KAT6B: variants seen among roughly 807,000 people sequenced by gnomAD.
The protein encoded by KAT6B is lysine acetyltransferase 6B.
In KAT6B, 10 loss-of-function variants were observed where a neutral mutation model predicts 187.5. The observed-to-expected ratio is 0.05, with a 90% CI of 0.03 to 0.09. The LOEUF is 0.09. Among genes scored for constraint, KAT6B ranks in the 10% least tolerant of loss-of-function variants. The pLI is 1.00. For missense variants in KAT6B, 1,952 were observed against 2,558.9 expected, an observed-to-expected ratio of 0.76 and a Z score of 5.12; for synonymous variants, 861 against 926.8, an observed-to-expected ratio of 0.93 and a Z score of 1.29.
intron 6 of KAT6B, among the ~76,000 whole-genome samples, chr10:74,972,119 G>C (rs929014197): frequency 3.9e-5 from 6 of 151,998 alleles, no homozygotes; most frequent in Admixed American, 3.9e-4. Context: ...TCCAGAAAGA[G>C]ATGATAAGAC....
chr10:74,961,569 A>G (rs999308096), intron 4 of KAT6B, among the ~76,000 whole-genome samples: 3 of 152,190 alleles, frequency 2.0e-5, no homozygotes, highest in African/African-American at 4.8e-5. Context: ...GAAGTTCGAG[A>G]TCATTATCTT....
chr10:74,982,160 C>A, intron 11 of KAT6B: 2 of 495,058 alleles, frequency 4.0e-6, no homozygotes, highest in Non-Finnish European at 3.7e-6. Flanking sequence ...TTGTCTTCCC[C>A]AAAATCCCTG....
intron 4 of KAT6B, among the ~76,000 whole-genome samples, chr10:74,960,850 G>T (rs760355426): frequency 1.3e-5 from 2 of 152,172 alleles, no homozygotes; most frequent in East Asian, 3.9e-4. Context: ...CAGTGTTATG[G>T]TTTAGCATGT....
chr10:74,848,503 TCAA>T (rs1191142597), intron 3 of KAT6B, among the ~76,000 whole-genome samples: 6 of 151,864 alleles, frequency 4.0e-5, no homozygotes, highest in African/African-American at 1.2e-4. Context: ...ACACTTCGTT[TCAA>T]CAACAACAAC....
intron 3 of KAT6B, among the ~76,000 whole-genome samples, chr10:74,917,921 G>T (rs1253708554): frequency 6.6e-6 from 1 of 152,182 alleles, no homozygotes; most frequent in Non-Finnish European, 1.5e-5. Flanking sequence ...AGTGAGGCAT[G>T]AAACTAGAAG....
At position 74,960,655 on chromosome 10, in the gene KAT6B, C is replaced by T. The variant is rs149421261; in HGVS notation, c.730+577C>T. On this transcript the variant is annotated intron_variant, in intron 4 of 17. Coordinates refer to ENST00000287239, the MANE Select transcript of KAT6B (RefSeq NM_012330.4). ...GCTAGGAGCAAACTCAAGAGCCAGC[C>T]ATAGCCCAGTTCCTCTGCCTTGAGT... 4.0e-3 allele frequency among the ~76,000 whole-genome samples: 603 copies of T among 152,210 alleles called. 10 individuals are homozygous for T. The highest frequency in any genetic ancestry group is 0.014 in the African/African-American group (570 of 41,522).
At chr10:74,831,978 C>CA (rs924452593) in intron 1 of KAT6B, among the ~76,000 whole-genome samples, 3 of 152,144 alleles carry the variant, frequency 2.0e-5, no homozygotes, top group African/African-American at 7.2e-5. Context: ...TGATAACATC[C>CA]AAAACCAAAA....
intron 6 of KAT6B, 55 bp from the exon 7 acceptor site, chr10:74,972,452 A>G (rs1354470039): frequency 7.8e-7 from 1 of 1,289,124 alleles, no homozygotes; most frequent in Non-Finnish European, 1.1e-6. Flanking sequence ...TATATTTAAT[A>G]TCTTCTCTTA....
chr10:74,950,034 T>C (rs1362098551), intron 3 of KAT6B, among the ~76,000 whole-genome samples: 1 of 152,152 alleles, frequency 6.6e-6, no homozygotes, highest in Non-Finnish European at 1.5e-5. Context: ...GATGATATAG[T>C]GCTCCCTCAC....
rs1466470345 is a variant in KAT6B at position 74,826,751 on chromosome 10, C to T, written c.-363C>T. ...GCAGTTTCTCAGGCAGCGGCAGCGC[C>T]CCCGGCAGGCGCGGTGGCGGTGGCG... On this transcript the variant is annotated 5_prime_UTR_variant, in exon 1 of 18. Transcript: ENST00000287239. 1 of 152,800 alleles carries T rather than the reference C, an allele frequency of 6.5e-6. No homozygotes were observed. The highest frequency in any genetic ancestry group is 1.5e-5 in the Non-Finnish European group (1 of 67,944). The allele number at this position is 152,800 out of a possible 1,614,324, so 9.5% of individuals were successfully genotyped here. A position where few individuals can be genotyped will look rare whatever the true frequency, so the allele number is the denominator to read the frequency against.
At chr10:74,928,034 AT>A (rs756324378) in intron 3 of KAT6B, among the ~76,000 whole-genome samples, 14 of 152,166 alleles carry the variant, frequency 9.2e-5, no homozygotes, top group Non-Finnish European at 1.2e-4. Flanking sequence ...TCAATCCTCT[AT>A]TTCATTAAGG....
At chr10:74,900,266 C>T (rs1376071063) in intron 3 of KAT6B, among the ~76,000 whole-genome samples, 1 of 152,054 alleles carries the variant, frequency 6.6e-6, no homozygotes, top group East Asian at 1.9e-4. Flanking sequence ...TTTAAAATAT[C>T]TTATTGAAAT....
intron 13 of KAT6B, among the ~76,000 whole-genome samples, chr10:75,019,970 G>A (rs1845269005): frequency 6.6e-6 from 1 of 152,138 alleles, no homozygotes; most frequent in Admixed American, 6.5e-5. Flanking sequence ...CTATGAAAGA[G>A]GTGAAAATGG....
intron 3 of KAT6B, among the ~76,000 whole-genome samples, chr10:74,930,930 A>G (rs1264072598): frequency 6.6e-6 from 1 of 152,224 alleles, no homozygotes; most frequent in African/African-American, 2.4e-5. Context: ...ACGTGTCCAT[A>G]GAGACTGCAA....
At chr10:74,848,701 C>T (rs1020650506) in intron 3 of KAT6B, among the ~76,000 whole-genome samples, 2 of 152,076 alleles carry the variant, frequency 1.3e-5, no homozygotes, top group African/African-American at 4.8e-5. Flanking sequence ...CCCAAAATGC[C>T]TAGTAGCCAT....
At position 74,861,062 on chromosome 10, in the gene KAT6B, G is replaced by A. The variant is rs879436438; in HGVS notation, c.621+17584G>A. Among the ~76,000 whole-genome samples, 19 of 152,070 alleles carry A rather than the reference G, an allele frequency of 1.2e-4. 1 individual carries two copies. The highest frequency in any genetic ancestry group is 3.4e-3 in the Middle Eastern group (1 of 294). ...TGAGGCGGGAGAATCACTTGAACCC[G>A]GGAGGTGGAGGTTGCGGGAGCTGAG... On this transcript the variant is annotated intron_variant, in intron 3 of 17. Coordinates refer to ENST00000287239, the MANE Select transcript of KAT6B (RefSeq NM_012330.4).
intron 3 of KAT6B, among the ~76,000 whole-genome samples, chr10:74,846,604 A>G (rs1291767341): frequency 6.6e-6 from 1 of 151,964 alleles, no homozygotes; most frequent in African/African-American, 2.4e-5. Flanking sequence ...ATGCCTGGCC[A>G]ATTTTTTGTA....
chr10:75,031,063 A>C lies in KAT6B; in HGVS notation c.*17A>C. 2 of 1,613,788 alleles carry C rather than the reference A, an allele frequency of 1.2e-6. No individual in the cohort carries two copies. The highest frequency in any genetic ancestry group is 1.7e-6 in the Non-Finnish European group (2 of 1,179,832). On this transcript the variant is annotated 3_prime_UTR_variant, in exon 18 of 18. Coordinates refer to ENST00000287239, the MANE Select transcript of KAT6B (RefSeq NM_012330.4). ...AGAAGGTAGACAACGTGGGCAGTCC[A>C]CAAAACCTACGGGGCATCACTATTG...
At chr10:74,864,611 A>G (rs1843426641) in intron 3 of KAT6B, among the ~76,000 whole-genome samples, 1 of 151,824 alleles carries the variant, frequency 6.6e-6, no homozygotes, top group Admixed American at 6.6e-5. Context: ...GTGTGATTTC[A>G]GCTCACTGCA....
Sources: allele counts gnomAD v4.1 joint callset (sites outside exome capture counted in the v4.1 genomes callset), GRCh38; gene constraint gnomAD v4.1.1; transcripts MANE v1.5; gene names NCBI Gene and HGNC (gene_info 2026-07-23, HGNC 2026-07-21).